The following PPP2R2B variants were observed in gnomAD, a reference collection of about 807,000 sequenced individuals.
PPP2R2B encodes serine/threonine-protein phosphatase 2A 55 kDa regulatory subunit B beta isoform.
In PPP2R2B, 5 loss-of-function variants were observed where a neutral mutation model predicts 46.0. The observed-to-expected ratio is 0.11, with a 90% confidence interval of 0.06 to 0.23. PPP2R2B has a LOEUF of 0.23. Among genes scored for constraint, PPP2R2B ranks in the 10% least tolerant of loss-of-function variants. The pLI is 1.00. For missense variants in PPP2R2B, 367 were observed against 575.0 expected, an observed-to-expected ratio of 0.64 and a Z score of 3.70; for synonymous variants, 215 against 206.7, an observed-to-expected ratio of 1.04 and a Z score of -0.34.
At chr5:146,993,894 C>G (rs1421004634) in intron 1 of PPP2R2B, among the ~76,000 whole-genome samples, 1 of 152,000 alleles carries the variant, frequency 6.6e-6, no homozygotes, top group Non-Finnish European at 1.5e-5. Flanking sequence ...TAGCTGTTCT[C>G]TAAGGATCCA....
intron 2 of PPP2R2B, among the ~76,000 whole-genome samples, chr5:146,799,774 C>T (rs562851489): frequency 4.6e-5 from 7 of 152,174 alleles, no homozygotes; most frequent in African/African-American, 1.4e-4. Flanking sequence ...AAACTGCAAA[C>T]GAATTTAGGG....
At chr5:146,934,229 T>C (rs1764065460) in intron 1 of PPP2R2B, among the ~76,000 whole-genome samples, 1 of 151,830 alleles carries the variant, frequency 6.6e-6, no homozygotes, top group Non-Finnish European at 1.5e-5. Context: ...ATGGTATTTC[T>C]AGTTCTAGAT....
intron 1 of PPP2R2B, among the ~76,000 whole-genome samples, chr5:146,990,135 T>C (rs1232526668): frequency 6.7e-6 from 1 of 150,372 alleles, no homozygotes; most frequent in Non-Finnish European, 1.5e-5. Context: ...AGTATTAATA[T>C]TGTTAAAATG....
chr5:146,643,260 G>A (rs1480922921), intron 6 of PPP2R2B, among the ~76,000 whole-genome samples: 1 of 152,118 alleles, frequency 6.6e-6, no homozygotes, highest in Non-Finnish European at 1.5e-5. Flanking sequence ...TTCTATAAGT[G>A]TTTCCAAAGA....
At chr5:146,779,580 T>C (rs975681705) in intron 2 of PPP2R2B, among the ~76,000 whole-genome samples, 1 of 152,170 alleles carries the variant, frequency 6.6e-6, no homozygotes, top group Admixed American at 6.5e-5. Flanking sequence ...GGGGAGAAGA[T>C]AAAATTTAAT....
At chr5:146,896,645 T>C (rs1762652728) in intron 1 of PPP2R2B, among the ~76,000 whole-genome samples, 1 of 152,174 alleles carries the variant, frequency 6.6e-6, no homozygotes, top group Non-Finnish European at 1.5e-5. Context: ...AATAAACCCG[T>C]AGACATTTTG....
chr5:146,639,902 T>A (rs1442897563), intron 6 of PPP2R2B, among the ~76,000 whole-genome samples: 1 of 152,258 alleles, frequency 6.6e-6, no homozygotes, highest in African/African-American at 2.4e-5. Context: ...CAGGAGTTTA[T>A]GCACCACATT....
intron 5 of PPP2R2B, among the ~76,000 whole-genome samples, chr5:146,664,817 T>C (rs1776878124): frequency 6.6e-6 from 1 of 152,208 alleles, no homozygotes; most frequent in Non-Finnish European, 1.5e-5. Context: ...GACTCCTTAA[T>C]CTGTGGGCTG....
intron 1 of PPP2R2B, among the ~76,000 whole-genome samples, chr5:146,922,957 G>A (rs183639787): frequency 4.7e-4 from 71 of 152,278 alleles, no homozygotes; most frequent in African/African-American, 1.5e-3. Flanking sequence ...AATAATTTTG[G>A]AAGTGTAATG....
chr5:146,793,417 GTCACAAGA>G (rs1300888117), intron 2 of PPP2R2B, among the ~76,000 whole-genome samples: 4 of 152,212 alleles, frequency 2.6e-5, no homozygotes, highest in African/African-American at 9.6e-5. Flanking sequence ...ACTATTTCAA[GTCACAAGA>G]GTAGATGAAA....
At chr5:146,606,498 T>C (rs1034591478) in intron 7 of PPP2R2B, among the ~76,000 whole-genome samples, 3 of 152,146 alleles carry the variant, frequency 2.0e-5, no homozygotes, top group African/African-American at 4.8e-5. Context: ...ATGGAGATAA[T>C]AGTAGTACCT....
intron 8 of PPP2R2B, among the ~76,000 whole-genome samples, chr5:146,595,890 C>A (rs1433729810): frequency 1.3e-5 from 2 of 152,176 alleles, no homozygotes; most frequent in Non-Finnish European, 2.9e-5. Flanking sequence ...GACTGAGTGT[C>A]CCAGTACAGT....
At chr5:146,902,898 T>A (rs1387160640) in intron 1 of PPP2R2B, among the ~76,000 whole-genome samples, 2 of 152,332 alleles carry the variant, frequency 1.3e-5, no homozygotes, top group African/African-American at 4.8e-5. Flanking sequence ...TGAGCACCTC[T>A]AGGGATCCCT....
intron 1 of PPP2R2B, among the ~76,000 whole-genome samples, chr5:147,042,163 T>C (rs1756343068): frequency 1.3e-5 from 2 of 152,168 alleles, no homozygotes; most frequent in South Asian, 4.1e-4. Flanking sequence ...TACTTTCCTG[T>C]AACCATTTAT....
intron 2 of PPP2R2B, among the ~76,000 whole-genome samples, chr5:147,062,560 C>T (rs976040664): frequency 6.6e-6 from 1 of 152,102 alleles, no homozygotes; most frequent in African/African-American, 2.4e-5. Context: ...AAGTCAACTG[C>T]AAGCAAGTGG....
rs113716354 is a variant in PPP2R2B, at chr5:146,724,261, G to A, written c.71-23119C>T. 8.9e-4 allele frequency among the ~76,000 whole-genome samples: 135 copies of A among 151,770 alleles called. 2 individuals are homozygous for A. The highest frequency in any genetic ancestry group is 3.0e-3 in the African/African-American group (126 of 41,476). ...ACTGGCTCTGTGATCCAGTGTATTC[G>A]ATGGCCATCCCAAAAACTCAGTTTC... On this transcript the variant is annotated intron_variant, in intron 2 of 9. Coordinates refer to ENST00000394411, the MANE Select transcript of PPP2R2B (RefSeq NM_181675.4).
At chr5:146,619,485 C>T (rs927948269) in intron 7 of PPP2R2B, among the ~76,000 whole-genome samples, 2 of 152,046 alleles carry the variant, frequency 1.3e-5, no homozygotes, top group Admixed American at 6.6e-5. Flanking sequence ...ACAAACAAAA[C>T]AAAACCATAA....
At chr5:146,957,313 T>C (rs1233528945) in intron 1 of PPP2R2B, among the ~76,000 whole-genome samples, 2 of 152,180 alleles carry the variant, frequency 1.3e-5, no homozygotes, top group African/African-American at 2.4e-5. Flanking sequence ...AAGCATCCCA[T>C]GTAGTCTTGC....
intron 2 of PPP2R2B, among the ~76,000 whole-genome samples, chr5:146,712,620 G>A (rs1780274892): frequency 6.6e-6 from 1 of 152,144 alleles, no homozygotes; most frequent in Non-Finnish European, 1.5e-5. Context: ...TAGGACATAA[G>A]GGTGATCTGG....
Sources: allele counts gnomAD v4.1 joint callset (sites outside exome capture counted in the v4.1 genomes callset), GRCh38; gene constraint gnomAD v4.1.1; transcripts MANE v1.5; gene names NCBI Gene and HGNC (gene_info 2026-07-23, HGNC 2026-07-21).